The following SGCD variants were observed in gnomAD, a reference collection of about 807,000 sequenced individuals.
SGCD encodes the protein sarcoglycan delta.
In SGCD, 18 loss-of-function variants were observed where a neutral mutation model predicts 36.6. The ratio of observed to expected loss-of-function variants is 0.49; its 90% confidence interval spans 0.34 to 0.73. The LOEUF is 0.73. Ranked by LOEUF, SGCD falls within the 30% of genes least tolerant of loss-of-function variation. The pLI is 0.01. For synonymous variants in SGCD, 133 were observed against 130.6 expected (o/e 1.02, Z -0.12); for missense variants, 387 against 346.7 (o/e 1.12, Z -0.92).
intron 3 of SGCD, among the ~76,000 whole-genome samples, chr5:156,144,996 A>G (rs546746804): frequency 6.6e-6 from 1 of 152,234 alleles, no homozygotes; most frequent in Non-Finnish European, 1.5e-5. Context: ...TTGATATGTC[A>G]GAATGATATA....
In SGCD at chr5:156,334,233, G is replaced by A. The variant is rs917786431; in HGVS notation, c.3+4654G>A. On this transcript the variant is annotated intron_variant, in intron 2 of 8. Coordinates refer to ENST00000337851, the MANE Select transcript of SGCD (RefSeq NM_000337.6). The stretch of plus-strand genomic sequence containing the variant: ...CATCCATGGGGTTTTAGAAAGCACC[G>A]ATCTTGTACAACACAAAGTAGCTGG... Among the ~76,000 whole-genome samples, 8 of 152,212 alleles carry A rather than the reference G, an allele frequency of 5.3e-5. No individual in the cohort carries two copies. The East Asian group carries it at 9.7e-4, about 18-fold the overall frequency.
chr5:156,667,973 A>C (rs1249396694), intron 7 of SGCD, among the ~76,000 whole-genome samples: 1 of 152,248 alleles, frequency 6.6e-6, no homozygotes, highest in African/African-American at 2.4e-5. Context: ...ATAGGAAAGG[A>C]TATTTCAACT....
chr5:156,329,554 T>C lies in SGCD; in HGVS notation c.-23T>C. On this transcript the variant is annotated 5_prime_UTR_variant, in exon 2 of 9. Transcript: ENST00000337851. ...TGCAGAGACATTACTGCCGGGAGTG[T>C]TGAGTGAAGGGACCAGGTGGAGATG... 4 of 1,613,104 alleles carry C rather than the reference T, an allele frequency of 2.5e-6. No homozygotes were observed. Among genetic ancestry groups the C allele is most frequent in the Non-Finnish European group, 3.4e-6 (4 of 1,179,192 alleles).
intron 3 of SGCD, among the ~76,000 whole-genome samples, chr5:156,184,799 G>A (rs1483295240): frequency 6.6e-6 from 1 of 152,178 alleles, no homozygotes; most frequent in African/African-American, 2.4e-5. Context: ...AGGTGAAATA[G>A]TGAGGACCAC....
chr5:156,123,559 A>G (rs1410224360), intron 2 of SGCD, among the ~76,000 whole-genome samples: 2 of 152,170 alleles, frequency 1.3e-5, no homozygotes, highest in South Asian at 2.1e-4. Flanking sequence ...ATGAATTATC[A>G]TGGAAAATCG....
chr5:156,595,800 C>T (rs1015459753), intron 6 of SGCD, among the ~76,000 whole-genome samples: 3 of 152,206 alleles, frequency 2.0e-5, no homozygotes, highest in African/African-American at 7.2e-5. Context: ...CTCTGATTTA[C>T]TGAATTAGAA....
intron 1 of SGCD, among the ~76,000 whole-genome samples, chr5:156,012,643 C>A (rs10476236): frequency 6.7e-6 from 1 of 148,322 alleles, no homozygotes; most frequent in Non-Finnish European, 1.5e-5. Flanking sequence ...GAGGGAGTCT[C>A]GCTCTGTGGC....
At chr5:155,733,644 T>G in the SGCD span, among the ~76,000 whole-genome samples, 1 of 151,918 alleles carries the variant, frequency 6.6e-6, no homozygotes. Flanking sequence ...TTTTTTTTTT[T>G]TGCCATTTCA....
rs959936634 is a variant in SGCD, at chr5:156,766,202, A to G, written c.*6812A>G. The G allele has an allele frequency of 1.3e-5, 2 of 152,006 alleles. No individual in the cohort carries two copies. The highest frequency in any genetic ancestry group is 4.8e-5 in the African/African-American group (2 of 41,382). The allele number at this position is 152,006 out of a possible 1,614,324, so 9.4% of individuals were successfully genotyped here. On this transcript the variant is annotated 3_prime_UTR_variant, in exon 9 of 9. Transcript: ENST00000337851. ...TCAAAAGACAAATATCTTACTTTTG[A>G]TCTTTGACACTATTTGGTCAGTATT... is the stretch of plus-strand genomic sequence containing the variant.
chr5:156,506,690 G>T (rs1461596612), intron 3 of SGCD, among the ~76,000 whole-genome samples: 2 of 152,110 alleles, frequency 1.3e-5, no homozygotes, highest in African/African-American at 2.4e-5. Context: ...GGGCTAGAAT[G>T]AAACAAATGA....
chr5:156,190,361 A>G (rs924813311), intron 3 of SGCD, among the ~76,000 whole-genome samples: 2 of 152,156 alleles, frequency 1.3e-5, no homozygotes, highest in African/African-American at 4.8e-5. Context: ...ATTCCCCACC[A>G]CCAAAAAAGG....
chr5:156,635,359 G>A (rs938462326), intron 6 of SGCD, among the ~76,000 whole-genome samples: 33 of 152,164 alleles, frequency 2.2e-4, no homozygotes, highest in African/African-American at 8.0e-4. Context: ...CAGTTAGAAT[G>A]GCGATCATTA....
At chr5:155,892,760 G>A (rs1756165736) in intron 1 of SGCD, among the ~76,000 whole-genome samples, 1 of 152,102 alleles carries the variant, frequency 6.6e-6, no homozygotes, top group Non-Finnish European at 1.5e-5. Flanking sequence ...TTCTTTTTAT[G>A]GCTGAATAGT....
chr5:156,677,282 T>C (rs1753550295), intron 7 of SGCD, among the ~76,000 whole-genome samples: 1 of 152,154 alleles, frequency 6.6e-6, no homozygotes, highest in Non-Finnish European at 1.5e-5. Flanking sequence ...CCATCAATGA[T>C]AGACTGGATG....
intron 1 of SGCD, among the ~76,000 whole-genome samples, chr5:155,996,410 G>C (rs565820917): frequency 6.6e-6 from 1 of 152,234 alleles, no homozygotes; most frequent in Admixed American, 6.5e-5. Flanking sequence ...AAAGCCAGCA[G>C]TGTGTCCTCT....
the SGCD span, among the ~76,000 whole-genome samples, chr5:155,788,161 T>C: frequency 2.6e-5 from 4 of 152,156 alleles, no homozygotes; most frequent in Admixed American, 2.6e-4. Context: ...TTAATACACT[T>C]ATTGGGAAGA....
chr5:156,350,034 G>T (rs1248070491), intron 3 of SGCD, among the ~76,000 whole-genome samples: 1 of 151,550 alleles, frequency 6.6e-6, no homozygotes, highest in Non-Finnish European at 1.5e-5. Context: ...CTAAGCTAAG[G>T]GTATGCACAG....
intron 1 of SGCD, among the ~76,000 whole-genome samples, chr5:155,897,501 AAATT>A (rs1292128284): frequency 3.9e-5 from 6 of 152,192 alleles, no homozygotes; most frequent in Non-Finnish European, 7.3e-5. Flanking sequence ...CTTTAATAAT[AAATT>A]AAGCTGACTA....
the SGCD span, among the ~76,000 whole-genome samples, chr5:155,840,080 T>A: frequency 3.0e-5 from 2 of 66,908 alleles, no homozygotes; most frequent in African/African-American, 1.1e-4. Flanking sequence ...GACTTTTGTG[T>A]CAGTCTTTTT....
Sources: gnomAD v4.1 joint callset for allele counts (sites outside exome capture counted in the v4.1 genomes callset) on GRCh38, gnomAD v4.1.1 for gene constraint, MANE v1.5 for transcripts, NCBI Gene and HGNC (gene_info 2026-07-23, HGNC 2026-07-21) for gene names.